Variants in LUZP1 observed in about 807,000 individuals in gnomAD.
LUZP1 encodes the protein leucine zipper protein 1, also known as filamin mechanobinding actin cross-linking protein.
In LUZP1, 25 loss-of-function variants were observed where a neutral mutation model predicts 71.3. The ratio of observed to expected loss-of-function variants is 0.35; its 90% CI spans 0.26 to 0.49. The LOEUF (loss-of-function observed/expected upper bound fraction) is 0.49. LUZP1 is among the 20% of genes least tolerant of loss of function. The pLI, the probability that LUZP1 is intolerant of heterozygous loss-of-function variation, is 0.99. For synonymous variants in LUZP1, 481 were observed against 506.4 expected, an observed-to-expected ratio of 0.95 and a Z score of 0.67; for missense variants, 1,142 against 1,300.8, an observed-to-expected ratio of 0.88 and a Z score of 1.88.
At chr1:23,129,169 G>A (rs539861176) in intron 2 of LUZP1, among the ~76,000 whole-genome samples, 1 of 152,162 alleles carries the variant, frequency 6.6e-6, no homozygotes. Context: ...GTGTGTATGT[G>A]GTGGGGCATA....
intron 2 of LUZP1, among the ~76,000 whole-genome samples, chr1:23,118,936 A>G (rs1259686871): frequency 1.3e-5 from 2 of 152,102 alleles, no homozygotes; most frequent in East Asian, 1.9e-4. Flanking sequence ...TATGTTCCCA[A>G]TGCACTTTGT....
chr1:23,094,442 A>G lies in LUZP1; in HGVS notation c.-119-62T>C. ...ATGTAAAACCTGCACGTTAGCTCCC[A>G]GTTATAGAAAAGTGCTCCTATCTGT... On this transcript the variant is annotated intron_variant, in intron 3 of 4. Coordinates refer to ENST00000302291, the Ensembl canonical transcript of LUZP1. This position sits in a 1 kb window ranked among gnomAD's most constrained non-coding sequence, Gnocchi z 4.7. 1.6e-6 allele frequency: 2 copies of G among 1,275,644 alleles called. No individual in the cohort carries two copies. Among genetic ancestry groups the G allele is most frequent in the Non-Finnish European group, 2.0e-6 (2 of 981,182 alleles). The allele number at this position is 1,275,644 out of a possible 1,614,324, so 79.0% of individuals were successfully genotyped here.
intron 2 of LUZP1, among the ~76,000 whole-genome samples, chr1:23,127,517 T>TTTTTGTTTTG (rs960800714): frequency 5.3e-5 from 8 of 152,082 alleles, no homozygotes; most frequent in Non-Finnish European, 1.2e-4. Flanking sequence ...TTAGTTTTGT[T>TTTTTGTTTTG]TTTTGTTTTG....
intron 1 of LUZP1, among the ~76,000 whole-genome samples, chr1:23,177,146 C>T (rs924894874): frequency 6.6e-6 from 1 of 152,146 alleles, no homozygotes; most frequent in Non-Finnish European, 1.5e-5. Context: ...CCACCTCGGC[C>T]TCCCAAAGTG....
chr1:23,176,922 C>G (rs551524594), intron 1 of LUZP1, among the ~76,000 whole-genome samples: 1 of 152,120 alleles, frequency 6.6e-6, no homozygotes, highest in Non-Finnish European at 1.5e-5. Context: ...GCCTCTGTCA[C>G]CCAGGCTGCA....
At chr1:23,099,955 T>G (rs866060727) in intron 3 of LUZP1, among the ~76,000 whole-genome samples, 70 of 152,328 alleles carry the variant, frequency 4.6e-4, no homozygotes, top group African/African-American at 1.7e-3. Flanking sequence ...CTCACTAGTT[T>G]GATTCCTTCT....
intron 2 of LUZP1, among the ~76,000 whole-genome samples, chr1:23,109,867 G>A (rs1178847667): frequency 6.6e-6 from 1 of 152,018 alleles, no homozygotes; most frequent in East Asian, 1.9e-4. Context: ...TTTACAGAAG[G>A]AAACTAAAAC....
intron 3 of LUZP1, among the ~76,000 whole-genome samples, chr1:23,096,833 T>C (rs1643894742): frequency 6.6e-6 from 1 of 151,942 alleles, no homozygotes; most frequent in Non-Finnish European, 1.5e-5. Context: ...ATTAGCCAGG[T>C]GTGGTGGTGC....
chr1:23,130,278 T>C (rs1441426564), intron 2 of LUZP1, among the ~76,000 whole-genome samples: 1 of 152,214 alleles, frequency 6.6e-6, no homozygotes, highest in African/African-American at 2.4e-5. Context: ...TATAAGCATA[T>C]ATTACTATGA....
At chr1:23,111,782 C>T (rs1041712675) in intron 2 of LUZP1, among the ~76,000 whole-genome samples, 2 of 151,716 alleles carry the variant, frequency 1.3e-5, no homozygotes, top group African/African-American at 4.9e-5. Context: ...CCACCTTACA[C>T]ACACAACACC....
chr1:23,176,421 C>T (rs767976737), intron 1 of LUZP1, among the ~76,000 whole-genome samples: 2 of 152,162 alleles, frequency 1.3e-5, no homozygotes, highest in African/African-American at 4.8e-5. Context: ...CAAATGAATG[C>T]TCTAAAGCAA....
chr1:23,103,835 GGAGAGA>G (rs1317517279), intron 3 of LUZP1, among the ~76,000 whole-genome samples: 1 of 65,262 alleles, frequency 1.5e-5, no homozygotes, highest in Non-Finnish European at 3.0e-5. Context: ...AGGAAGAGAG[GGAGAGA>G]GGGAGGGAGG....
At chr1:23,148,624 C>A (rs556166251) in intron 2 of LUZP1, among the ~76,000 whole-genome samples, 1 of 152,220 alleles carries the variant, frequency 6.6e-6, no homozygotes, top group African/African-American at 2.4e-5. Context: ...TTCTATTCTA[C>A]TGAGATTCTC....
At chr1:23,144,412 C>T (rs1443148268) in intron 2 of LUZP1, among the ~76,000 whole-genome samples, 1 of 152,180 alleles carries the variant, frequency 6.6e-6, no homozygotes, top group Non-Finnish European at 1.5e-5. Context: ...CTCTAAACGA[C>T]TGCAAGAAAC....
In LUZP1 at chr1:23,119,038, T is replaced by C. The variant is rs1042374327; in HGVS notation, c.-225-9911A>G. On this transcript the variant is annotated intron_variant, in intron 2 of 4. Transcript: ENST00000302291. ...TAAAGAAAAAGCCACAGGTAGGTTG[T>C]CCTATGTTGTTTTATATTCCCCGTA... is the stretch of plus-strand genomic sequence containing the variant. 7.9e-5 allele frequency among the ~76,000 whole-genome samples: 12 copies of C among 152,314 alleles called. No homozygotes were observed. In the East Asian group the frequency reaches 2.3e-3, roughly 29 times the overall value.
intron 3 of LUZP1, among the ~76,000 whole-genome samples, chr1:23,105,218 G>A (rs979322440): frequency 1.3e-5 from 2 of 152,180 alleles, no homozygotes; most frequent in African/African-American, 2.4e-5. Flanking sequence ...GGGGTAAAAG[G>A]GTGGGATGGA....
intron 2 of LUZP1, among the ~76,000 whole-genome samples, chr1:23,110,629 C>CACACAT (rs67031669): frequency 2.2e-5 from 1 of 45,844 alleles, no homozygotes; most frequent in African/African-American, 6.9e-5. Flanking sequence ...CATGAACGCG[C>CACACAT]ACACATACAC....
chr1:23,123,797 G>T (rs564785983), intron 2 of LUZP1, among the ~76,000 whole-genome samples: 2 of 152,208 alleles, frequency 1.3e-5, no homozygotes, highest in African/African-American at 4.8e-5. Context: ...AACAGCACCA[G>T]GAAAATGCCA....
intron 4 of LUZP1, among the ~76,000 whole-genome samples, chr1:23,089,823 C>T (rs540667709): frequency 1.1e-4 from 17 of 151,676 alleles, no homozygotes; most frequent in African/African-American, 3.9e-4. Flanking sequence ...TACAATGGTG[C>T]GATCTCGGCT....
Sources: allele counts gnomAD v4.1 joint callset (sites outside exome capture counted in the v4.1 genomes callset), GRCh38; gene constraint gnomAD v4.1.1; non-coding constraint Gnocchi (gnomAD v3.1); transcripts MANE v1.5; gene names NCBI Gene and HGNC (gene_info 2026-07-23, HGNC 2026-07-21).